PTPN4: variants seen among roughly 807,000 people sequenced by gnomAD.
The protein encoded by PTPN4 is protein tyrosine phosphatase non-receptor type 4.
PTPN4 carries 49 observed loss-of-function variants against 135.5 expected under a neutral mutation model. The ratio of observed to expected loss-of-function variants is 0.36; its 90% CI spans 0.29 to 0.46. The LOEUF (loss-of-function observed/expected upper bound fraction) is 0.46. PTPN4 is among the 20% of genes least tolerant of loss of function. PTPN4 has a pLI of 1.00. For missense variants in PTPN4, 860 were observed against 1,101.0 expected (o/e 0.78, Z 3.10); for synonymous variants, 333 against 369.9 (o/e 0.90, Z 1.14).
At chr2:119,881,375 A>G (rs569796198) in intron 5 of PTPN4, among the ~76,000 whole-genome samples, 2 of 152,338 alleles carry the variant, frequency 1.3e-5, no homozygotes, top group Non-Finnish European at 1.5e-5. Flanking sequence ...CTGGCTTTCT[A>G]TCTCAGACCA....
chr2:119,780,435 C>T (rs962711970), intron 1 of PTPN4, among the ~76,000 whole-genome samples: 7 of 152,138 alleles, frequency 4.6e-5, no homozygotes, highest in South Asian at 2.1e-4. Context: ...CCTAACCCCC[C>T]GCCAAATCCA....
intron 15 of PTPN4, among the ~76,000 whole-genome samples, chr2:119,944,510 A>G (rs564773276): frequency 1.3e-5 from 2 of 152,280 alleles, no homozygotes; most frequent in South Asian, 4.1e-4. Context: ...TCTAATGTTA[A>G]TTGGATTTTG....
chr2:119,886,539 G>C (rs1036699503), intron 9 of PTPN4, among the ~76,000 whole-genome samples: 4 of 152,110 alleles, frequency 2.6e-5, no homozygotes, highest in African/African-American at 9.7e-5. Context: ...AAAGTTCTTG[G>C]AGTACAGCTA....
In PTPN4 at chr2:119,951,987, C is replaced by T. The variant is rs983805917; in HGVS notation, c.1671C>T (p.Val557=). 1 of 1,612,170 alleles carries T rather than the reference C, an allele frequency of 6.2e-7. No homozygotes were observed. Among genetic ancestry groups the T allele is most frequent in the African/African-American group, 1.3e-5 (1 of 74,946 alleles). ...TTATATTACAGGCTGACCTCTGTGT[C>T]CCTAGACTGAATGAAGGGGACCAAG... is the stretch of plus-strand genomic sequence containing the variant. The part of the protein sequence containing the change: ...VAPGTPADLC[V]PRLNEGDQVV... The change falls in exon 19 of 27, where the codon GTC becomes GTT. Residue 557 remains valine (V), a synonymous_variant. Coordinates refer to ENST00000263708, the MANE Select transcript of PTPN4 (RefSeq NM_002830.4).
chr2:119,922,218 T>TAAAAAAAAAAAAAAAAA (rs34480531), intron 12 of PTPN4, among the ~76,000 whole-genome samples: 2 of 120,876 alleles, frequency 1.7e-5, no homozygotes, highest in Non-Finnish European at 1.8e-5. Flanking sequence ...CAATCTGATT[T>TAAAAAAAAAAAAAAAAA]AAAAAAAAAA....
chr2:119,922,394 A>G (rs986727247), intron 12 of PTPN4, among the ~76,000 whole-genome samples: 1 of 152,160 alleles, frequency 6.6e-6, no homozygotes, highest in African/African-American at 2.4e-5. Flanking sequence ...AAGTTGAACA[A>G]TTATTTTAAC....
intron 1 of PTPN4, among the ~76,000 whole-genome samples, chr2:119,795,337 C>CAGG (rs1011478027): frequency 6.6e-6 from 1 of 152,210 alleles, no homozygotes; most frequent in Non-Finnish European, 1.5e-5. Context: ...CTCTTCCACC[C>CAGG]AGGAGCCTGA....
In PTPN4 at chr2:119,913,759, T is replaced by TA. The variant is rs200938660; in HGVS notation, c.765-1411dup. Among the ~76,000 whole-genome samples the TA allele has an allele frequency of 3.8e-3, 580 of 151,394 alleles. 3 individuals carry two copies. The highest frequency in any genetic ancestry group is 0.017 in the Middle Eastern group (5 of 292). On this transcript the variant is annotated intron_variant, in intron 10 of 26. Transcript: ENST00000263708. ...AACTACAGAAAGGAATTGTTCCAGT[T>TA]AAAAAAAAATCAATCTTTATACTGT...
intron 15 of PTPN4, among the ~76,000 whole-genome samples, chr2:119,943,320 A>T (rs1679086065): frequency 6.6e-6 from 1 of 152,182 alleles, no homozygotes; most frequent in African/African-American, 2.4e-5. Context: ...GAACAGATGT[A>T]TCCAAGGGTC....
Position 119,844,632 on chromosome 2 carries a change from C to T in PTPN4, c.139-17904C>T, listed in dbSNP as rs1254115200. The stretch of plus-strand genomic sequence containing the variant: ...CCCAGATGGGGCAGCGGGGCAGAGG[C>T]GCTCCCCACATCTCAGAGGATGGGC... On this transcript the variant is annotated intron_variant, in intron 2 of 26. Coordinates refer to ENST00000263708, the MANE Select transcript of PTPN4 (RefSeq NM_002830.4). 5.0e-3 allele frequency among the ~76,000 whole-genome samples: 751 copies of T among 150,794 alleles called. 5 individuals are homozygous for T. The highest frequency in any genetic ancestry group is 7.8e-3 in the Non-Finnish European group (527 of 67,668).
chr2:119,922,021 G>A (rs1396481465), intron 12 of PTPN4, among the ~76,000 whole-genome samples: 1 of 151,992 alleles, frequency 6.6e-6, no homozygotes, highest in African/African-American at 2.4e-5. Context: ...TATAATTCAA[G>A]CAAGTCTCAG....
chr2:119,809,730 T>C (rs1471921495), intron 1 of PTPN4, 107 bp from the exon 2 acceptor site: 1 of 987,968 alleles, frequency 1.0e-6, no homozygotes, highest in Non-Finnish European at 1.4e-6. Flanking sequence ...TTATAACTGT[T>C]TTCCACCTAA....
At chr2:119,899,750 C>T (rs932815576) in intron 9 of PTPN4, among the ~76,000 whole-genome samples, 1 of 152,034 alleles carries the variant, frequency 6.6e-6, no homozygotes, top group Non-Finnish European at 1.5e-5. Context: ...TAATAGTGTA[C>T]TAAAATAATG....
chr2:119,924,704 T>G (rs1678794266), intron 12 of PTPN4, among the ~76,000 whole-genome samples: 1 of 142,076 alleles, frequency 7.0e-6, no homozygotes, highest in Admixed American at 6.9e-5. Flanking sequence ...AAGCCTTTCT[T>G]TCATTAATTT....
chr2:119,834,020 T>A (rs1677256463), intron 2 of PTPN4, among the ~76,000 whole-genome samples: 1 of 152,198 alleles, frequency 6.6e-6, no homozygotes, highest in Admixed American at 6.5e-5. Flanking sequence ...TTTTTTCCAG[T>A]GCCCACCTGT....
At chr2:119,895,411 G>A (rs1678306389) in intron 9 of PTPN4, among the ~76,000 whole-genome samples, 1 of 152,142 alleles carries the variant, frequency 6.6e-6, no homozygotes, top group Non-Finnish European at 1.5e-5. Flanking sequence ...AGGCCGAGGT[G>A]GGTGGATCAC....
intron 3 of PTPN4, among the ~76,000 whole-genome samples, chr2:119,866,424 C>A (rs937496145): frequency 1.3e-5 from 2 of 152,034 alleles, no homozygotes; most frequent in Non-Finnish European, 2.9e-5. Flanking sequence ...GGTTTTCAAA[C>A]TGGAGCTTGC....
chr2:119,911,918 C>G (rs1405502673), intron 10 of PTPN4, among the ~76,000 whole-genome samples: 1 of 152,126 alleles, frequency 6.6e-6, no homozygotes, highest in East Asian at 1.9e-4. Context: ...TGTTTCACTC[C>G]TACCTGGTAT....
chr2:119,971,957 T>A (rs1679540387), intron 26 of PTPN4, among the ~76,000 whole-genome samples: 1 of 152,200 alleles, frequency 6.6e-6, no homozygotes, highest in Non-Finnish European at 1.5e-5. Flanking sequence ...AGCACAAATA[T>A]AAGAGTTTAT....
Sources: allele counts gnomAD v4.1 joint callset (sites outside exome capture counted in the v4.1 genomes callset), GRCh38; gene constraint gnomAD v4.1.1; transcripts MANE v1.5; gene names NCBI Gene and HGNC (gene_info 2026-07-23, HGNC 2026-07-21).